Variants in DOCK4 observed in about 807,000 individuals in gnomAD.
DOCK4 encodes dedicator of cytokinesis protein 4.
In DOCK4, 97 loss-of-function variants were observed where a neutral mutation model predicts 268.1. The observed-to-expected ratio is 0.36, with a 90% CI of 0.31 to 0.43. The LOEUF is 0.43. DOCK4 is among the 20% of genes least tolerant of loss of function. The probability of loss-of-function intolerance (pLI) is 1.00; values close to 1 mark genes in which losing one functional copy is unlikely to be tolerated. For synonymous variants in DOCK4, 954 were observed against 887.2 expected (o/e 1.08, Z -1.34); for missense variants, 2,145 against 2,455.7 (o/e 0.87, Z 2.67).
chr7:112,028,049 C>T (rs1324553725), intron 1 of DOCK4, among the ~76,000 whole-genome samples: 1 of 152,080 alleles, frequency 6.6e-6, no homozygotes, highest in African/African-American at 2.4e-5. Flanking sequence ...CAAAGATAGC[C>T]CTGAACTTGA....
chr7:112,074,147 T>TA (rs1384918163), intron 1 of DOCK4, among the ~76,000 whole-genome samples: 3 of 152,166 alleles, frequency 2.0e-5, no homozygotes, highest in East Asian at 1.9e-4. Context: ...ACGTTAAAAA[T>TA]AAAAAATAAT....
At position 112,127,516 on chromosome 7, in the gene DOCK4, T is replaced by A. The variant is rs992470994; in HGVS notation, c.37+78586A>T. Among the ~76,000 whole-genome samples the A allele has an allele frequency of 2.0e-5, 3 of 151,610 alleles. No individual in the cohort carries two copies. In the East Asian group the frequency reaches 5.8e-4, roughly 30 times the overall value. On this transcript the variant is annotated intron_variant, in intron 1 of 52. Coordinates refer to ENST00000428084, the MANE Select transcript of DOCK4 (RefSeq NM_001363540.2). The stretch of plus-strand genomic sequence containing the variant: ...CATGGCACATGTATACATATGTAAC[T>A]AACCTGCACATTGTGCACATGTACC...
At chr7:112,187,421 T>C (rs935752278) in intron 1 of DOCK4, among the ~76,000 whole-genome samples, 1 of 152,212 alleles carries the variant, frequency 6.6e-6, no homozygotes, top group African/African-American at 2.4e-5. Context: ...CCTTCTCTTA[T>C]GATGTTTTTC....
At chr7:111,795,411 A>G (rs1464411480) in intron 30 of DOCK4, among the ~76,000 whole-genome samples, 1 of 152,220 alleles carries the variant, frequency 6.6e-6, no homozygotes, top group East Asian at 1.9e-4. Context: ...ACATTCTAAA[A>G]GGGACTTTGA....
intron 1 of DOCK4, among the ~76,000 whole-genome samples, chr7:112,139,430 A>G (rs1044379219): frequency 6.6e-6 from 1 of 152,208 alleles, no homozygotes; most frequent in African/African-American, 2.4e-5. Context: ...CTGGTCTATT[A>G]GGCAGCAATT....
At chr7:111,898,841 G>A (rs1790886228) in intron 15 of DOCK4, among the ~76,000 whole-genome samples, 2 of 152,178 alleles carry the variant, frequency 1.3e-5, no homozygotes. Context: ...AGAAGGTAGA[G>A]ATCCAATAGA....
intron 12 of DOCK4, among the ~76,000 whole-genome samples, chr7:111,934,453 T>A (rs1369584557): frequency 6.6e-6 from 1 of 151,928 alleles, no homozygotes; most frequent in Non-Finnish European, 1.5e-5. Flanking sequence ...TGTGTGAACC[T>A]GTATGTTTGT....
Position 111,863,376 on chromosome 7 carries a change from G to T in DOCK4, c.2469C>A (p.Asn823Lys), listed in dbSNP as rs765540760. The T allele has an allele frequency of 4.3e-6, 7 of 1,613,996 alleles. No homozygotes were observed. Among genetic ancestry groups the T allele is most frequent in the South Asian group, 1.1e-5 (1 of 91,086 alleles). Residue 823 changes from asparagine to lysine, a missense_variant, in exon 23 of 53, where the codon AAC becomes AAA. By Grantham distance (94) the Asn-to-Lys change is moderately conservative (BLOSUM62 0). Coordinates refer to ENST00000428084, the MANE Select transcript of DOCK4 (RefSeq NM_001363540.2). ...GKTVESQLYT[N>K]PDSRYILLPV... Reference sequence around the variant, plus strand: ...CCTCCAAGAGACTCACCCTACCTGGGTTGGTATAAAGCTGGCTTTCCACGG... The same window carrying T: ...CCTCCAAGAGACTCACCCTACCTGGTTTGGTATAAAGCTGGCTTTCCACGG...
At chr7:112,042,224 G>A (rs1804441330) in intron 1 of DOCK4, among the ~76,000 whole-genome samples, 1 of 152,170 alleles carries the variant, frequency 6.6e-6, no homozygotes, top group East Asian at 1.9e-4. Flanking sequence ...TAATATCTGA[G>A]GATGCTTATT....
chr7:111,810,955 C>T (rs1240313869), intron 28 of DOCK4, among the ~76,000 whole-genome samples: 3 of 152,064 alleles, frequency 2.0e-5, no homozygotes, highest in Non-Finnish European at 4.4e-5. Context: ...TGAGCCGAGA[C>T]TGCGTCACTG....
chr7:112,027,600 C>T (rs1321374826), intron 1 of DOCK4, among the ~76,000 whole-genome samples: 2 of 152,194 alleles, frequency 1.3e-5, no homozygotes, highest in African/African-American at 4.8e-5. Flanking sequence ...GCAAATGATA[C>T]ATATCAGCTC....
chr7:111,852,032 C>T lies in DOCK4; in HGVS notation c.2474-4906G>A, dbSNP rs974532510. Reference sequence around the variant, plus strand: ...AGGCTGGAGTGCAATGGCACGATCTCGGCTCACTGCAACTTCCGCCTCCTG... The same window carrying T: ...AGGCTGGAGTGCAATGGCACGATCTTGGCTCACTGCAACTTCCGCCTCCTG... On this transcript the variant is annotated intron_variant, in intron 23 of 52. Coordinates refer to ENST00000428084, the MANE Select transcript of DOCK4 (RefSeq NM_001363540.2). Among the ~76,000 whole-genome samples, 4 of 146,452 alleles carry T rather than the reference C, an allele frequency of 2.7e-5. No homozygotes were observed. The East Asian group carries it at 6.0e-4, about 22-fold the overall frequency.
chr7:112,128,329 T>C (rs1563112003), intron 1 of DOCK4, among the ~76,000 whole-genome samples: 1 of 151,518 alleles, frequency 6.6e-6, no homozygotes, highest in East Asian at 2.0e-4. Context: ...AGCCGCCCCG[T>C]CCGGGAGGTG....
chr7:112,195,171 C>A (rs774066633), intron 1 of DOCK4, among the ~76,000 whole-genome samples: 2 of 152,066 alleles, frequency 1.3e-5, no homozygotes, highest in African/African-American at 2.4e-5. Flanking sequence ...CCCAGCTACT[C>A]GGGAGGCTGA....
At chr7:111,866,031 A>C (rs1280111280) in intron 22 of DOCK4, among the ~76,000 whole-genome samples, 6 of 152,260 alleles carry the variant, frequency 3.9e-5, no homozygotes, top group African/African-American at 1.4e-4. Context: ...AGGAGATCCT[A>C]AGGAAAGGAC....
chr7:111,922,593 T>C (rs1793235691), intron 12 of DOCK4, among the ~76,000 whole-genome samples: 1 of 152,186 alleles, frequency 6.6e-6, no homozygotes, highest in Admixed American at 6.5e-5. Context: ...GTTCAGTTCT[T>C]TTTTTTCAGA....
chr7:111,892,573 C>A (rs1033902535), intron 16 of DOCK4, among the ~76,000 whole-genome samples: 3 of 152,168 alleles, frequency 2.0e-5, no homozygotes, highest in Non-Finnish European at 4.4e-5. Context: ...CAGCTCTTCC[C>A]CACTTCCCCT....
intron 52 of DOCK4, among the ~76,000 whole-genome samples, chr7:111,729,533 A>G (rs1351149005): frequency 6.6e-6 from 1 of 152,214 alleles, no homozygotes; most frequent in Non-Finnish European, 1.5e-5. Flanking sequence ...GGGCAACACA[A>G]TGAGACCCTG....
chr7:111,839,855 G>T (rs1437024670), intron 25 of DOCK4, among the ~76,000 whole-genome samples: 3 of 151,864 alleles, frequency 2.0e-5, no homozygotes, highest in Non-Finnish European at 2.9e-5. Context: ...TAGGTTTTTG[G>T]GGAAACAGGT....
Sources: gnomAD v4.1 joint callset for allele counts (sites outside exome capture counted in the v4.1 genomes callset) on GRCh38, gnomAD v4.1.1 for gene constraint, MANE v1.5 for transcripts, NCBI Gene and HGNC (gene_info 2026-07-23, HGNC 2026-07-21) for gene names.